RCE1: variants seen among roughly 807,000 people sequenced by gnomAD.
RCE1 encodes CAAX prenyl protease 2.
In RCE1, 15 loss-of-function variants were observed where a neutral mutation model predicts 35.0. The ratio of observed to expected loss-of-function variants is 0.43; its 90% CI spans 0.29 to 0.66. The LOEUF (loss-of-function observed/expected upper bound fraction) is 0.66. Ranked by LOEUF, RCE1 falls within the 30% of genes least tolerant of loss-of-function variation. RCE1 has a pLI of 0.17. For synonymous variants in RCE1, 261 were observed against 192.7 expected (o/e 1.35, Z -2.94); for missense variants, 434 against 433.0 (o/e 1.00, Z -0.02).
chr11:66,844,816 TCTCA>T lies in RCE1; in HGVS notation c.452-50_452-47del, dbSNP rs2135770147. On this transcript the variant is annotated intron_variant, in intron 4 of 7. Transcript: ENST00000309657. ...AGAGGAGCCCTTGGAGCCTCTGGGG[TCTCA>T]CTGTCTGACAGCCCGTCACTCACAG... 25 of 1,491,976 alleles carry T rather than the reference TCTCA, an allele frequency of 1.7e-5. No individual in the cohort carries two copies. The South Asian group carries it at 2.5e-4, about 15-fold the overall frequency. The allele number at this position is 1,491,976 out of a possible 1,614,324, so 92.4% of individuals were successfully genotyped here. A position where few individuals can be genotyped will look rare whatever the true frequency, so the allele number is the denominator to read the frequency against.
In RCE1 at chr11:66,846,438, C is replaced by G. The variant is rs1189290104; in HGVS notation, c.*343C>G. 2 of 163,684 alleles carry G rather than the reference C, an allele frequency of 1.2e-5. No homozygotes were observed. Among genetic ancestry groups the G allele is most frequent in the East Asian group, 1.8e-4 (1 of 5,474 alleles). The allele number at this position is 163,684 out of a possible 1,614,324, so 10.1% of individuals were successfully genotyped here. A position where few individuals can be genotyped will look rare whatever the true frequency, so the allele number is the denominator to read the frequency against. On this transcript the variant is annotated 3_prime_UTR_variant, in exon 8 of 8. Transcript: ENST00000309657. ...TTTTTATTTATAAAACCTCTCCCCA[C>G]CCCCCACCCCCCAACTTCCTGGGTT...
Position 66,846,002 on chromosome 11 carries a change from C to G in RCE1, c.897C>G (p.Leu299=). 1.2e-6 allele frequency: 2 copies of G among 1,613,940 alleles called. No individual in the cohort carries two copies. Among genetic ancestry groups the G allele is most frequent in the South Asian group, 1.1e-5 (1 of 91,088 alleles). ...GTGTGGGACTCTTCCTGCTTCTGCT[C>G]CAGCCCCTCACGGACCCCAAGCTCT... ...ALGVGLFLLL[L]QPLTDPKLYG... The change falls in exon 8 of 8, where the codon CTC becomes CTG. Residue 299 remains leucine, a synonymous_variant. Coordinates refer to ENST00000309657, the MANE Select transcript of RCE1 (RefSeq NM_005133.3).
In RCE1 at chr11:66,845,249, C is replaced by T. The variant is rs188287634; in HGVS notation, c.691+12C>T. The T allele has an allele frequency of 4.8e-5, 78 of 1,614,178 alleles. No homozygotes were observed. In the African/African-American group the frequency reaches 8.8e-4, roughly 18 times the overall value. The stretch of plus-strand genomic sequence containing the variant: ...CTTCTTGTCTGCTGGTGAGTCCTGG[C>T]TAGCTGGCCTGGGTTAGGGTGTATG... On this transcript the variant is annotated intron_variant, in intron 6 of 7. Transcript: ENST00000309657.
Position 66,845,168 on chromosome 11 carries a change from C to T in RCE1, c.622C>T (p.His208Tyr), listed in dbSNP as rs1319449020. The T allele has an allele frequency of 1.9e-6, 3 of 1,614,110 alleles. No individual in the cohort carries two copies. The highest frequency in any genetic ancestry group is 2.5e-6 in the Non-Finnish European group (3 of 1,180,046). ...FTCPLFFGVA[H>Y]FHHIIEQLRF... ...TGTGATTGTCACCTTTTTCCCAGCC[C>T]ATTTTCACCATATTATTGAGCAGCT... The change falls in exon 6 of 8, where the codon CAT (histidine) becomes TAT (tyrosine). Residue 208 changes from histidine to tyrosine, a missense_variant and splice_region_variant. Physicochemically the swap from His to Tyr is moderately conservative, Grantham distance 83. Transcript: ENST00000309657.
rs765514610 is a variant in RCE1, at chr11:66,845,865, C to G, written c.760C>G (p.Leu254Val). ...TAFLFIRTGH[L>V]IGPVLCHSFC... ...CTGCTGTCTCTTTTCCCCAGGACAC[C>G]TGATTGGGCCGGTTCTCTGCCATTC... The change falls in exon 8 of 8, where the codon CTG becomes GTG. Residue 254 changes from leucine to valine, a missense_variant. Transcript: ENST00000309657. 5.0e-6 allele frequency: 8 copies of G among 1,612,936 alleles called. No homozygotes were observed. The highest frequency in any genetic ancestry group is 1.1e-5 in the South Asian group (1 of 91,030).
At chr11:66,844,585 T>C in intron 4 of RCE1, 1 of 742,470 alleles carries the variant, frequency 1.3e-6, no homozygotes, top group Non-Finnish European at 2.1e-6. Context: ...TTGGTGTGGA[T>C]CAGAGAGCAC....
intron 6 of RCE1, 110 bp from the exon 7 acceptor site, chr11:66,845,390 G>C (rs867652206): frequency 3.2e-6 from 5 of 1,578,532 alleles, no homozygotes; most frequent in Non-Finnish European, 4.3e-6. Flanking sequence ...GGTGGGGCAG[G>C]CAGCTACTGC....
chr11:66,845,606 CG>C, intron 7 of RCE1, 44 bp downstream of exon 7: 1 of 1,612,370 alleles, frequency 6.2e-7, no homozygotes, highest in Non-Finnish European at 8.5e-7. Flanking sequence ...CCCACAGGAG[CG>C]GGTGGGAGAA....
chr11:66,845,453 C>T (rs1945191039), intron 6 of RCE1, 47 bp from the exon 7 acceptor site: 2 of 1,613,464 alleles, frequency 1.2e-6, no homozygotes, highest in African/African-American at 2.7e-5. Flanking sequence ...AGTGTGGGGG[C>T]AGGAAGGGCG....
chr11:66,845,365 AGGACAGCTGTAGGTGGTG>A (rs1427151246), intron 6 of RCE1, 117 bp from the exon 7 acceptor site: 5 of 1,577,190 alleles, frequency 3.2e-6, no homozygotes, highest in Non-Finnish European at 4.3e-6. Context: ...GTTGGGGTGC[AGGACAGCTGTAGGTGGTG>A]GGGCAGGCAG....
rs1239440289 is a variant in RCE1, at chr11:66,845,838, A to T, written c.755-22A>T. ...GAGGAGGTGGTAGGGCTGCTCCCTG[A>T]GCTGCTGTCTCTTTTCCCCAGGACA... On this transcript the variant is annotated intron_variant, in intron 7 of 7. Coordinates refer to ENST00000309657, the MANE Select transcript of RCE1 (RefSeq NM_005133.3). 3 of 1,608,354 alleles carry T rather than the reference A, an allele frequency of 1.9e-6. No individual in the cohort carries two copies. In the East Asian group the frequency reaches 6.7e-5, roughly 36 times the overall value.
intron 3 of RCE1, 120 bp from the exon 4 acceptor site, chr11:66,844,166 C>T: frequency 1.9e-6 from 3 of 1,586,246 alleles, no homozygotes; most frequent in South Asian, 1.1e-5. Context: ...CAGGGTCCTC[C>T]GGTATGCATG....
At chr11:66,844,394 G>A (rs2135769409) in intron 4 of RCE1, 30 bp downstream of exon 4, 1 of 1,613,592 alleles carries the variant, frequency 6.2e-7, no homozygotes, top group Non-Finnish European at 8.5e-7. Flanking sequence ...GGGAAAAGTA[G>A]GCACAGGCAG....
rs568963563 is a variant in RCE1 at position 66,843,478 on chromosome 11, G to A, written c.23G>A (p.Gly8Glu). 1.8e-5 allele frequency: 26 copies of A among 1,464,216 alleles called. No homozygotes were observed. In the East Asian group the frequency reaches 4.2e-4, roughly 24 times the overall value. The allele number at this position is 1,464,216 out of a possible 1,614,324, so 90.7% of individuals were successfully genotyped here. ...GCAATGGCGGCGCTGGGCGGGGATG[G>A]GCTGCGACTGCTGTCGGTGTCGCGG... is the stretch of plus-strand genomic sequence containing the variant. MAALGGDGLRLLSVSRPE... is the reference protein window; with the variant it reads MAALGGDELRLLSVSRPE... The change falls in exon 1 of 8, where the codon GGG (glycine) becomes GAG (glutamate). Residue 8 changes from glycine (G) to glutamate (E), a missense_variant. By Grantham distance (98) the Gly-to-Glu change is moderately conservative (BLOSUM62 -2). Coordinates refer to ENST00000309657, the MANE Select transcript of RCE1 (RefSeq NM_005133.3).
In RCE1 at chr11:66,846,063, G is replaced by C; in HGVS notation, c.958G>C (p.Ala320Pro). The change falls in exon 8 of 8, where the codon GCA (alanine) becomes CCA (proline). Residue 320 changes from alanine to proline, a missense_variant. Coordinates refer to ENST00000309657, the MANE Select transcript of RCE1 (RefSeq NM_005133.3). ...TCCCCTTTGTGTGCTTTTGGAGCGG[G>C]CAGGGGACTCAGAGGCTCCCCTGTG... Reference protein sequence around the residue: ...SLPLCVLLERAGDSEAPLCS With the variant: ...SLPLCVLLERPGDSEAPLCS 1 of 1,612,748 alleles carries C rather than the reference G, an allele frequency of 6.2e-7. No homozygotes were observed. Among genetic ancestry groups the C allele is most frequent in the Non-Finnish European group, 8.5e-7 (1 of 1,179,816 alleles).
At chr11:66,845,382 T>G (rs1591102244) in intron 6 of RCE1, 118 bp from the exon 7 acceptor site, 1 of 1,573,468 alleles carries the variant, frequency 6.4e-7, no homozygotes, top group Admixed American at 1.7e-5. Flanking sequence ...CTGTAGGTGG[T>G]GGGGCAGGCA....
rs1300651304 is a variant in RCE1, at chr11:66,846,408, G to A, written c.*313G>A. 3 of 269,600 alleles carry A rather than the reference G, an allele frequency of 1.1e-5. No homozygotes were observed. The highest frequency in any genetic ancestry group is 2.1e-5 in the Non-Finnish European group (3 of 143,100). The allele number at this position is 269,600 out of a possible 1,614,324, so 16.7% of individuals were successfully genotyped here. On this transcript the variant is annotated 3_prime_UTR_variant, in exon 8 of 8. Transcript: ENST00000309657. ...CTCCTCTGCCTCTGAAAAGCTGCTC[G>A]GGGTTTTTTATTTATAAAACCTCTC...
Position 66,843,825 on chromosome 11 carries a change from G to C in RCE1, c.252G>C (p.Leu84=), listed in dbSNP as rs200190374. 8 of 1,614,094 alleles carry C rather than the reference G, an allele frequency of 5.0e-6. No homozygotes were observed. The Admixed American group carries it at 8.3e-5, about 17-fold the overall frequency. ...TGGTGGTGTCCAGTCTCTCACCCCTGTGCGTGCTGCTCTGGAGGGAACTCA... is the reference window on the plus strand; with the variant it reads ...TGGTGGTGTCCAGTCTCTCACCCCTCTGCGTGCTGCTCTGGAGGGAACTCA... ...SVLVVSSLSP[L]CVLLWRELTG... The change falls in exon 2 of 8, where the codon CTG becomes CTC. Residue 84 remains leucine, a synonymous_variant. Coordinates refer to ENST00000309657, the MANE Select transcript of RCE1 (RefSeq NM_005133.3).
chr11:66,844,016 C>T lies in RCE1; in HGVS notation c.349C>T (p.Leu117=). ...FRLEGIFPAA[L]LPLLLTMILF... ...GCTGGAGGGCATTTTCCCAGCGGCG[C>T]TGCTGCCCCTGTTGCTGACCATGGT... Residue 117 remains leucine (L), a synonymous_variant, in exon 3 of 8, where the codon CTG becomes TTG. Coordinates refer to ENST00000309657, the MANE Select transcript of RCE1 (RefSeq NM_005133.3). 1.2e-6 allele frequency: 2 copies of T among 1,614,158 alleles called. No individual in the cohort carries two copies. Among genetic ancestry groups the T allele is most frequent in the Non-Finnish European group, 1.7e-6 (2 of 1,180,038 alleles).
Sources: gnomAD v4.1 joint callset for allele counts on GRCh38, gnomAD v4.1.1 for gene constraint, MANE v1.5 for transcripts, NCBI Gene and HGNC (gene_info 2026-07-23, HGNC 2026-07-21) for gene names.